GK: variants seen among roughly 807,000 people sequenced by gnomAD.
The protein encoded by GK is glycerol kinase, also known as ATP:glycerol 3-phosphotransferase.
GK carries 9 observed loss-of-function variants against 56.4 expected under a neutral mutation model. That is an observed-to-expected ratio of 0.16 (90% CI 0.10 to 0.28). The LOEUF (loss-of-function observed/expected upper bound fraction) is 0.28. GK is among the 10% of genes least tolerant of loss of function. The pLI is 1.00. For missense variants in GK, 161 were observed against 431.4 expected (o/e 0.37, Z 5.55); for synonymous variants, 104 against 144.1 (o/e 0.72, Z 1.99).
chrX:30,670,019 C>G (rs1310150744), intron 3 of GK, among the ~76,000 whole-genome samples: 1 of 112,009 alleles, frequency 8.9e-6, no homozygotes, highest in Non-Finnish European at 1.9e-5. Context: ...TCCTATCCTC[C>G]CTTTATCCCT....
intron 1 of GK, among the ~76,000 whole-genome samples, chrX:30,658,515 A>G (rs1174699258): frequency 8.9e-6 from 1 of 111,982 alleles, no homozygotes; most frequent in East Asian, 2.8e-4. Flanking sequence ...ACGGGGTTTC[A>G]CCATGTTGGC....
intron 16 of GK, among the ~76,000 whole-genome samples, chrX:30,720,397 G>A (rs899348913): frequency 2.7e-5 from 3 of 111,263 alleles, no homozygotes; most frequent in African/African-American, 9.8e-5. Context: ...GTGCAAAATA[G>A]AGTTGTATAG....
At chrX:30,696,707 A>AC (rs765049305) in intron 8 of GK, 24 bp downstream of exon 8, 61 of 1,088,291 alleles carry the variant, frequency 5.6e-5, no homozygotes, top group Admixed American at 4.2e-4. Flanking sequence ...AAACAAACAA[A>AC]AAACACACCA....
chrX:30,702,280 G>A (rs1291794176), intron 11 of GK, among the ~76,000 whole-genome samples: 1 of 111,835 alleles, frequency 8.9e-6, no homozygotes, highest in Non-Finnish European at 1.9e-5. Context: ...GACCTCAGGT[G>A]ATCTGCCCGC....
rs763138094 is a variant in GK at position 30,667,415 on chromosome X, A to T, written c.153-597A>T. The stretch of plus-strand genomic sequence containing the variant: ...CCTTTCATCCTTCTGAGGCCCTGGT[A>T]CTTTACCAAAATTATACTGAGATTG... On this transcript the variant is annotated intron_variant, in intron 2 of 20. Transcript: ENST00000427190. Among the ~76,000 whole-genome samples the T allele has an allele frequency of 7.2e-5, 8 of 111,372 alleles. No homozygotes were observed. The South Asian group carries it at 3.0e-3, about 42-fold the overall frequency.
At chrX:30,670,551 C>T (rs1265861357) in intron 3 of GK, among the ~76,000 whole-genome samples, 1 of 111,333 alleles carries the variant, frequency 9.0e-6, no homozygotes, top group East Asian at 2.8e-4. Flanking sequence ...CCTCTGGCCA[C>T]AGAAGAGAAC....
At chrX:30,677,560 C>T in intron 4 of GK, 108 bp downstream of exon 4, 1 of 562,693 alleles carries the variant, frequency 1.8e-6, no homozygotes, top group Non-Finnish European at 3.2e-6. Flanking sequence ...GGCATGGTGG[C>T]TCACGCCTGT....
rs150244257 is a variant in GK, at chrX:30,728,384, A to G, written c.1670-348A>G. 5.3e-3 allele frequency among the ~76,000 whole-genome samples: 585 copies of G among 111,292 alleles called. 3 individuals are homozygous for G. The highest frequency in any genetic ancestry group is 8.1e-3 in the Non-Finnish European group (429 of 53,004). ...GGTTTCATGAAAAGGCCTTGTTTCTATGAAAATTGAGACAGGTTGCATCTC... is the reference window on the plus strand; with the variant it reads ...GGTTTCATGAAAAGGCCTTGTTTCTGTGAAAATTGAGACAGGTTGCATCTC... On this transcript the variant is annotated intron_variant, in intron 20 of 20. Transcript: ENST00000427190.
chrX:30,676,118 A>C (rs149337480), intron 3 of GK, among the ~76,000 whole-genome samples: 2 of 110,963 alleles, frequency 1.8e-5, no homozygotes, highest in Non-Finnish European at 3.8e-5. Flanking sequence ...AAATTTTTTT[A>C]TAGAGACTGG....
intron 3 of GK, among the ~76,000 whole-genome samples, chrX:30,674,765 G>A (rs1933764078): frequency 9.0e-6 from 1 of 111,255 alleles, no homozygotes; most frequent in African/African-American, 3.3e-5. Flanking sequence ...GAGGTTTGGG[G>A]TACAGACCCG....
At chrX:30,687,249 A>G (rs1289933154) in intron 4 of GK, among the ~76,000 whole-genome samples, 2 of 111,632 alleles carry the variant, frequency 1.8e-5, no homozygotes, top group African/African-American at 3.3e-5. Flanking sequence ...ATTAGGATGC[A>G]TATATGTTGC....
chrX:30,687,699 G>A (rs1934699868), intron 4 of GK: 1 of 326,841 alleles, frequency 3.1e-6, no homozygotes, highest in Non-Finnish European at 6.1e-6. Context: ...TGCCAGATCT[G>A]GATCTGTCAT....
chrX:30,724,300 G>A (rs1354015018), intron 19 of GK, 119 bp downstream of exon 19: 2 of 508,130 alleles, frequency 3.9e-6, no homozygotes, highest in East Asian at 7.3e-5. Flanking sequence ...CATATGTCCA[G>A]AGATTCTGAC....
At chrX:30,669,071 T>G (rs141191163) in intron 3 of GK, among the ~76,000 whole-genome samples, 321 of 110,104 alleles carry the variant, frequency 2.9e-3, no homozygotes, top group African/African-American at 0.01. Flanking sequence ...GAGGAATGAG[T>G]AGGTTGTGGG....
intron 5 of GK, among the ~76,000 whole-genome samples, chrX:30,692,029 C>G (rs980256839): frequency 1.8e-5 from 2 of 111,190 alleles, no homozygotes; most frequent in Non-Finnish European, 3.8e-5. Context: ...TTAGCAAGGT[C>G]AAGGCCAAGT....
chrX:30,718,612 A>T lies in GK; in HGVS notation c.1050A>T (p.Glu350Asp), dbSNP rs200898041. Residue 350 changes from glutamate to aspartate, a missense_variant, in exon 14 of 21, where the codon GAA becomes GAT. Coordinates refer to ENST00000427190, the MANE Select transcript of GK (RefSeq NM_001205019.2). ...TTGGAATTATAAAGACCTCAGAAGA[A>T]ATTGGTGAGTGTGTTCTAACAAAAG... ...DNLGIIKTSE[E>D]IEKLAKEVGT... The T allele has an allele frequency of 2.7e-6, 3 of 1,125,718 alleles. No individual in the cohort carries two copies. The highest frequency in any genetic ancestry group is 3.6e-5 in the South Asian group (2 of 55,077). The allele number at this position is 1,125,718 out of a possible 1,213,427, so 92.8% of individuals were successfully genotyped here.
At chrX:30,664,349 G>A (rs1023968390) in intron 1 of GK, among the ~76,000 whole-genome samples, 12 of 105,042 alleles carry the variant, frequency 1.1e-4, no homozygotes, top group Admixed American at 3.3e-4. Flanking sequence ...ACAGGCATGC[G>A]CCACCACACC....
chrX:30,654,331 G>T (rs1932083976), intron 1 of GK, among the ~76,000 whole-genome samples: 1 of 112,666 alleles, frequency 8.9e-6, no homozygotes, highest in African/African-American at 3.2e-5. Context: ...TATTTACCAT[G>T]TGTGACAGCA....
intron 19 of GK, among the ~76,000 whole-genome samples, chrX:30,725,122 A>G (rs1937079370): frequency 9.0e-6 from 1 of 111,068 alleles, no homozygotes; most frequent in South Asian, 3.8e-4. Context: ...ACCTCAAGTG[A>G]TCCGCCCGCC....
Sources: allele counts gnomAD v4.1 joint callset (sites outside exome capture counted in the v4.1 genomes callset), GRCh38; gene constraint gnomAD v4.1.1; transcripts MANE v1.5; gene names NCBI Gene and HGNC (gene_info 2026-07-23, HGNC 2026-07-21).